The following LCP2 variants were observed in gnomAD, a reference collection of about 807,000 sequenced individuals.
LCP2 encodes lymphocyte cytosolic protein 2, also known as 76 kDa tyrosine phosphoprotein.
LCP2 carries 29 observed loss-of-function variants against 74.5 expected under a neutral mutation model. The ratio of observed to expected loss-of-function variants is 0.39; its 90% CI spans 0.29 to 0.53. The LOEUF is 0.53. Among genes scored for constraint, LCP2 ranks in the 20% least tolerant of loss-of-function variants. LCP2 has a pLI of 0.72. For synonymous variants in LCP2, 228 were observed against 229.5 expected (o/e 0.99, Z 0.06); for missense variants, 604 against 634.6 (o/e 0.95, Z 0.52).
chr5:170,294,297 C>T (rs567892601), intron 1 of LCP2, among the ~76,000 whole-genome samples: 1 of 152,260 alleles, frequency 6.6e-6, no homozygotes, highest in African/African-American at 2.4e-5. Context: ...TTTTTTCTCC[C>T]TCTTTGAGAT....
chr5:170,269,188 TCA>T (rs1761844533), intron 7 of LCP2, among the ~76,000 whole-genome samples: 1 of 152,146 alleles, frequency 6.6e-6, no homozygotes, highest in Non-Finnish European at 1.5e-5. Context: ...GAGCAGAAAC[TCA>T]CATTATCTGG....
Position 170,270,806 on chromosome 5 carries a change from C to T in LCP2, c.436G>A (p.Glu146Lys), listed in dbSNP as rs754114328. 1.2e-6 allele frequency: 2 copies of T among 1,611,888 alleles called. No homozygotes were observed. Among genetic ancestry groups the T allele is most frequent in the Non-Finnish European group, 1.7e-6 (2 of 1,178,936 alleles). ...EAPVEDDADY[E>K]PPPSNDEEAL... ...TCCTCGTCATTGGAGGGTGGCGGCTCATAATCCGCGTCATCTTCCACGGGT... is the reference window on the plus strand; with the variant it reads ...TCCTCGTCATTGGAGGGTGGCGGCTTATAATCCGCGTCATCTTCCACGGGT... The change falls in exon 7 of 21, where the codon GAG becomes AAG. Residue 146 changes from glutamate to lysine, a missense_variant. Coordinates refer to ENST00000046794, the MANE Select transcript of LCP2 (RefSeq NM_005565.5).
At chr5:170,281,317 T>C (rs911484823) in intron 3 of LCP2, among the ~76,000 whole-genome samples, 1 of 151,688 alleles carries the variant, frequency 6.6e-6, no homozygotes, top group Non-Finnish European at 1.5e-5. Context: ...TCTTGCTCTG[T>C]CCCCCAGGCT....
intron 3 of LCP2, among the ~76,000 whole-genome samples, chr5:170,286,889 T>C (rs968321446): frequency 3.3e-5 from 5 of 152,146 alleles, no homozygotes; most frequent in Non-Finnish European, 7.4e-5. Flanking sequence ...CCTTATAGAA[T>C]GTCCAGAGAA....
intron 14 of LCP2, 84 bp from the exon 15 acceptor site, chr5:170,258,962 A>G: frequency 1.2e-6 from 1 of 866,666 alleles, no homozygotes; most frequent in Non-Finnish European, 1.9e-6. Context: ...TCAATCAAAT[A>G]AATCAAATAG....
At chr5:170,251,104 GA>G (rs1761428616) in intron 19 of LCP2, 1 of 462,122 alleles carries the variant, frequency 2.2e-6, no homozygotes, top group South Asian at 3.2e-5. Flanking sequence ...AGGCAACAGA[GA>G]TTGTATCAAA....
chr5:170,294,671 A>G (rs988338136), intron 1 of LCP2, among the ~76,000 whole-genome samples: 2 of 152,256 alleles, frequency 1.3e-5, no homozygotes, highest in African/African-American at 4.8e-5. Flanking sequence ...TGGGATGATT[A>G]TCACACTCAG....
At chr5:170,289,827 A>G (rs1581076543) in intron 2 of LCP2, among the ~76,000 whole-genome samples, 1 of 144,278 alleles carries the variant, frequency 6.9e-6, no homozygotes, top group Non-Finnish European at 1.5e-5. Context: ...AGGTACCAAG[A>G]CTCATGTTTT....
rs752509330 is a variant in LCP2, at chr5:170,258,023, A to G, written c.1100+14T>C. ...CATTATATTAAGCTAGAATTTCATGACAGAGCTACAAACCTTTCTGAGAAT... is the reference window on the plus strand; with the variant it reads ...CATTATATTAAGCTAGAATTTCATGGCAGAGCTACAAACCTTTCTGAGAAT... On this transcript the variant is annotated intron_variant, in intron 16 of 20. Transcript: ENST00000046794. The G allele has an allele frequency of 6.2e-7, 1 of 1,613,432 alleles. No individual in the cohort carries two copies. The highest frequency in any genetic ancestry group is 8.5e-7 in the Non-Finnish European group (1 of 1,179,354).
chr5:170,287,829 T>A (rs1561977622), intron 3 of LCP2, 141 bp downstream of exon 3: 1 of 758,476 alleles, frequency 1.3e-6, no homozygotes, highest in Non-Finnish European at 2.3e-6. Flanking sequence ...GTTCCCCACA[T>A]CCTGCCCTTG....
chr5:170,266,764 C>T (rs1271102982), intron 10 of LCP2, 44 bp downstream of exon 10: 2 of 1,520,796 alleles, frequency 1.3e-6, no homozygotes, highest in African/African-American at 2.7e-5. Context: ...CACTTTATAA[C>T]AGCTTATCAT....
At chr5:170,258,417 G>T in intron 15 of LCP2, 1 of 386,100 alleles carries the variant, frequency 2.6e-6, no homozygotes, top group Non-Finnish European at 4.6e-6. Context: ...CATTGATTTT[G>T]TTTTTCATTT....
In LCP2 at chr5:170,248,924, G is replaced by A. The variant is rs1761361865; in HGVS notation, c.1480-105C>T. 47 of 1,144,856 alleles carry A rather than the reference G, an allele frequency of 4.1e-5. 1 individual carries two copies. The South Asian group carries it at 5.8e-4, about 14-fold the overall frequency. 70.9% of individuals were successfully genotyped at this position (1,144,856 alleles called of 1,614,324 possible). ...AATATATGCTGCCTCTTCAAGTGATGAGGATTGTGGGGGGAAAAAATGTAA... is the reference window on the plus strand; with the variant it reads ...AATATATGCTGCCTCTTCAAGTGATAAGGATTGTGGGGGGAAAAAATGTAA... On this transcript the variant is annotated intron_variant, in intron 20 of 20. Coordinates refer to ENST00000046794, the MANE Select transcript of LCP2 (RefSeq NM_005565.5).
chr5:170,259,924 T>C (rs1254874155), intron 14 of LCP2, among the ~76,000 whole-genome samples: 4 of 152,194 alleles, frequency 2.6e-5, no homozygotes, highest in Admixed American at 2.6e-4. Flanking sequence ...CAAGTGTCAA[T>C]CCTTCCAGAG....
At chr5:170,276,269 C>T (rs1230050874) in intron 3 of LCP2, among the ~76,000 whole-genome samples, 1 of 152,142 alleles carries the variant, frequency 6.6e-6, no homozygotes, top group Non-Finnish European at 1.5e-5. Flanking sequence ...TTTTGCATGA[C>T]CTGGCAGTGC....
chr5:170,260,937 T>C, intron 14 of LCP2, 170 bp downstream of exon 14: 2 of 609,366 alleles, frequency 3.3e-6, no homozygotes, highest in Non-Finnish European at 5.9e-6. Context: ...CTCCAGACAA[T>C]GACCAAGGCC....
At chr5:170,263,056 C>G in intron 10 of LCP2, 64 bp from the exon 11 acceptor site, 3 of 1,575,524 alleles carry the variant, frequency 1.9e-6, no homozygotes, top group Non-Finnish European at 2.6e-6. Flanking sequence ...GGTTTAAAAA[C>G]ACAGTTTGAT....
chr5:170,250,834 A>G lies in LCP2; in HGVS notation c.1375T>C (p.Tyr459His). 3.1e-6 allele frequency: 5 copies of G among 1,612,940 alleles called. No homozygotes were observed. Among genetic ancestry groups the G allele is most frequent in the South Asian group, 2.2e-5 (2 of 91,054 alleles). The change falls in exon 20 of 21, where the codon TAT becomes CAT. Residue 459 changes from tyrosine to histidine, a missense_variant. Tyr to His is a moderately conservative substitution (Grantham distance 83). Transcript: ENST00000046794. The stretch of plus-strand genomic sequence containing the variant: ...TCTTTGTACAACACCATGAGGACAT[A>G]TGGATTGGTTGTTGTTTTTTTAGAG... ...DSSKKTTTNP[Y>H]VLMVLYKDKV...
intron 2 of LCP2, among the ~76,000 whole-genome samples, chr5:170,288,967 C>T (rs1039047043): frequency 6.6e-6 from 1 of 152,162 alleles, no homozygotes; most frequent in Admixed American, 6.5e-5. Context: ...GATGAGCCAA[C>T]AAAGGGCTCC....
Sources: allele counts gnomAD v4.1 joint callset (sites outside exome capture counted in the v4.1 genomes callset), GRCh38; gene constraint gnomAD v4.1.1; transcripts MANE v1.5; gene names NCBI Gene and HGNC (gene_info 2026-07-23, HGNC 2026-07-21).